The following LCMT1 variants were observed in gnomAD, a reference collection of about 807,000 sequenced individuals.
LCMT1 encodes leucine carboxyl methyltransferase 1.
Under a neutral mutation model 47.7 loss-of-function variants are expected in LCMT1, and 32 were observed. That is an observed-to-expected ratio of 0.67 (90% confidence interval 0.51 to 0.90). The LOEUF is 0.90. LCMT1 is among the 40% of genes least tolerant of loss of function. The probability of loss-of-function intolerance (pLI) is 0.00; values close to 1 mark genes in which losing one functional copy is unlikely to be tolerated. For synonymous variants in LCMT1, 152 were observed against 149.7 expected, an observed-to-expected ratio of 1.02 and a Z score of -0.11; for missense variants, 375 against 415.2, an observed-to-expected ratio of 0.90 and a Z score of 0.84.
intron 1 of LCMT1, among the ~76,000 whole-genome samples, chr16:25,113,161 G>C (rs1295328526): frequency 9.5e-6 from 1 of 105,402 alleles, no homozygotes; most frequent in African/African-American, 3.4e-5. Flanking sequence ...AAAAAAAAAA[G>C]TGAGAAGAAA....
chr16:25,125,181 C>T (rs554145299), intron 1 of LCMT1, among the ~76,000 whole-genome samples: 31 of 152,288 alleles, frequency 2.0e-4, no homozygotes, highest in African/African-American at 3.4e-4. Flanking sequence ...CAGTGTCATG[C>T]AGGGTGCAGA....
At chr16:25,133,248 A>G (rs1220310205) in intron 3 of LCMT1, among the ~76,000 whole-genome samples, 1 of 152,118 alleles carries the variant, frequency 6.6e-6, no homozygotes, top group Non-Finnish European at 1.5e-5. Context: ...CTGGGTGATG[A>G]TAATATGTTG....
intron 1 of LCMT1, among the ~76,000 whole-genome samples, chr16:25,127,058 C>A (rs570513798): frequency 1.3e-5 from 2 of 152,190 alleles, no homozygotes; most frequent in Non-Finnish European, 2.9e-5. Context: ...CTTACACCCT[C>A]AACACACACT....
chr16:25,172,178 G>T (rs1325197310), intron 9 of LCMT1, among the ~76,000 whole-genome samples: 2 of 151,968 alleles, frequency 1.3e-5, no homozygotes, highest in Non-Finnish European at 2.9e-5. Context: ...ATGGTGGCGG[G>T]CGCCTGTAAT....
intron 3 of LCMT1, among the ~76,000 whole-genome samples, chr16:25,136,836 A>G (rs1279075949): frequency 6.6e-6 from 1 of 151,926 alleles, no homozygotes; most frequent in Non-Finnish European, 1.5e-5. Context: ...ACCGCGCCCC[A>G]CAGGATGTCT....
intron 3 of LCMT1, among the ~76,000 whole-genome samples, chr16:25,135,289 ATATC>A (rs1010656487): frequency 3.5e-4 from 44 of 124,684 alleles, no homozygotes; most frequent in East Asian, 3.0e-3. Flanking sequence ...TTTAAAATAT[ATATC>A]TATATATATA....
At chr16:25,161,036 A>G (rs1961416643) in intron 5 of LCMT1, 66 bp from the exon 6 acceptor site, 2 of 962,510 alleles carry the variant, frequency 2.1e-6, no homozygotes, top group Non-Finnish European at 3.1e-6. Flanking sequence ...AGGAAAAACC[A>G]TAAGGCTACT....
chr16:25,115,570 C>T (rs1179444993), intron 1 of LCMT1, among the ~76,000 whole-genome samples: 2 of 152,240 alleles, frequency 1.3e-5, no homozygotes, highest in Non-Finnish European at 1.5e-5. Context: ...TTTCTTCAGA[C>T]TTCTGATTTA....
chr16:25,169,339 A>ACAGGCACTGAACAGG, intron 8 of LCMT1, 126 bp downstream of exon 8: 1 of 644,554 alleles, frequency 1.6e-6, no homozygotes, highest in Non-Finnish European at 2.8e-6. Context: ...CAGGCTGCTG[A>ACAGGCACTGAACAGG]GCCTCCATGT....
At chr16:25,136,090 C>CAAAA (rs36051960) in intron 3 of LCMT1, among the ~76,000 whole-genome samples, 2 of 69,172 alleles carry the variant, frequency 2.9e-5, no homozygotes, top group African/African-American at 5.8e-5. Flanking sequence ...GATGCTGTCT[C>CAAAA]AAAAAAAAAA....
intron 4 of LCMT1, among the ~76,000 whole-genome samples, chr16:25,150,820 C>T (rs1005995927): frequency 6.6e-6 from 1 of 152,166 alleles, no homozygotes. Context: ...TTTATTTTTT[C>T]TAGATCCATG....
chr16:25,148,732 C>A (rs533171871), intron 4 of LCMT1: 3 of 152,348 alleles, frequency 2.0e-5, no homozygotes, highest in African/African-American at 4.8e-5. Context: ...GGAAAACTCG[C>A]CAGTCGCGGT....
At chr16:25,157,639 C>T (rs1311943692) in intron 5 of LCMT1, among the ~76,000 whole-genome samples, 2 of 152,214 alleles carry the variant, frequency 1.3e-5, no homozygotes, top group African/African-American at 2.4e-5. Context: ...CCATTAGCTT[C>T]TGCGCTGTAA....
intron 1 of LCMT1, among the ~76,000 whole-genome samples, chr16:25,115,620 G>T (rs1352659530): frequency 6.6e-6 from 1 of 152,076 alleles, no homozygotes; most frequent in Non-Finnish European, 1.5e-5. Flanking sequence ...ATCAGCTATT[G>T]CTCAACATGG....
intron 5 of LCMT1, among the ~76,000 whole-genome samples, chr16:25,154,520 T>C (rs1961179698): frequency 6.8e-6 from 1 of 146,244 alleles, no homozygotes; most frequent in Non-Finnish European, 1.5e-5. Flanking sequence ...AGAGTCTTGC[T>C]CTGTCACCCA....
At position 25,111,968 on chromosome 16, in the gene LCMT1, A is replaced by C; in HGVS notation, c.85A>C (p.Thr29Pro). The C allele has an allele frequency of 6.2e-7, 1 of 1,613,426 alleles. No homozygotes were observed. Among genetic ancestry groups the C allele is most frequent in the Non-Finnish European group, 8.5e-7 (1 of 1,179,676 alleles). ...CDADDEGVRGTCEDASLCKRF... is the reference protein window; with the variant it reads ...CDADDEGVRGPCEDASLCKRF... ...CGCAGACGACGAGGGCGTGCGCGGC[A>C]CCTGCGAAGATGCTTCCCTGTGCAA... Residue 29 changes from threonine to proline, a missense_variant, in exon 1 of 11, where the codon ACC (threonine) becomes CCC (proline). By Grantham distance (38) the Thr-to-Pro change is conservative. Coordinates refer to ENST00000399069, the MANE Select transcript of LCMT1 (RefSeq NM_016309.3).
chr16:25,174,498 A>G (rs1961869403), intron 9 of LCMT1, among the ~76,000 whole-genome samples: 1 of 152,178 alleles, frequency 6.6e-6, no homozygotes, highest in East Asian at 1.9e-4. Flanking sequence ...TGCTTTTTAA[A>G]TTCCATGATA....
chr16:25,161,294 T>C (rs1961425788), intron 6 of LCMT1, 90 bp downstream of exon 6: 1 of 604,994 alleles, frequency 1.7e-6, no homozygotes, highest in South Asian at 2.3e-5. Flanking sequence ...ATGATATTCA[T>C]GTTCCATTTT....
At chr16:25,158,782 TAC>T (rs1304494558) in intron 5 of LCMT1, 2 of 152,260 alleles carry the variant, frequency 1.3e-5, no homozygotes, top group African/African-American at 4.8e-5. Context: ...GTTATTTCCC[TAC>T]AGCTTGAGTA....
Sources: allele counts gnomAD v4.1 joint callset (sites outside exome capture counted in the v4.1 genomes callset), GRCh38; gene constraint gnomAD v4.1.1; transcripts MANE v1.5; gene names NCBI Gene and HGNC (gene_info 2026-07-23, HGNC 2026-07-21).